The following THSD4 variants were observed in gnomAD, a reference collection of about 807,000 sequenced individuals.
THSD4 encodes thrombospondin type 1 domain containing 4.
Under a neutral mutation model 119.0 loss-of-function variants are expected in THSD4, and 69 were observed. The observed-to-expected ratio is 0.58, with a 90% confidence interval of 0.48 to 0.71. The LOEUF (loss-of-function observed/expected upper bound fraction) is 0.71, where lower values mean the gene tolerates loss of function less well. THSD4 is among the 30% of genes least tolerant of loss of function. THSD4 has a pLI of 0.00. For missense variants in THSD4, 1,393 were observed against 1,391.1 expected, an observed-to-expected ratio of 1.00 and a Z score of -0.02; for synonymous variants, 524 against 540.4, an observed-to-expected ratio of 0.97 and a Z score of 0.42.
intron 8 of THSD4, among the ~76,000 whole-genome samples, chr15:71,689,151 A>G (rs1232815683): frequency 6.6e-6 from 1 of 152,350 alleles, no homozygotes; most frequent in Middle Eastern, 3.4e-3. Context: ...AGATATACTA[A>G]TAATTCTACT....
intron 7 of THSD4, among the ~76,000 whole-genome samples, chr15:71,476,589 A>G (rs2047658898): frequency 6.6e-6 from 1 of 152,174 alleles, no homozygotes; most frequent in Non-Finnish European, 1.5e-5. Flanking sequence ...CTCCCTTCAG[A>G]CAATTTCCAG....
chr15:71,380,915 A>G (rs1266234940), intron 6 of THSD4, among the ~76,000 whole-genome samples: 2 of 152,146 alleles, frequency 1.3e-5, no homozygotes, highest in African/African-American at 4.8e-5. Flanking sequence ...AAAGGAACAC[A>G]TAATATGTTT....
intron 7 of THSD4, among the ~76,000 whole-genome samples, chr15:71,542,892 AAAAC>A (rs2048780516): frequency 2.0e-5 from 3 of 152,186 alleles, no homozygotes; most frequent in Admixed American, 2.0e-4. Flanking sequence ...AAAAAACAAA[AAAAC>A]AAAAAAAACA....
chr15:71,587,787 T>TAAAAAAAAAAAAAAAAAAAAAAAATAAA (rs1207231444), intron 7 of THSD4, among the ~76,000 whole-genome samples: 2 of 105,508 alleles, frequency 1.9e-5, no homozygotes, highest in Non-Finnish European at 3.9e-5. Flanking sequence ...AAAAAAAAAT[T>TAAAAAAAAAAAAAAAAAAAAAAAATAAA]AAAAAAAAAA....
chr15:71,357,566 C>T (rs2045835419), intron 6 of THSD4, among the ~76,000 whole-genome samples: 1 of 152,162 alleles, frequency 6.6e-6, no homozygotes, highest in Non-Finnish European at 1.5e-5. Context: ...CTATGCAGAG[C>T]CCCACGCCCT....
At chr15:71,739,183 C>T (rs562258167) in intron 11 of THSD4, among the ~76,000 whole-genome samples, 6 of 151,888 alleles carry the variant, frequency 4.0e-5, no homozygotes, top group Non-Finnish European at 7.4e-5. Flanking sequence ...CCCATACTAT[C>T]CCGGTAAAAT....
chr15:71,762,473 C>T (rs1419571561), intron 15 of THSD4, among the ~76,000 whole-genome samples: 5 of 152,182 alleles, frequency 3.3e-5, no homozygotes, highest in Non-Finnish European at 7.4e-5. Flanking sequence ...AAGACCACAG[C>T]GACCTGGGAA....
intron 7 of THSD4, among the ~76,000 whole-genome samples, chr15:71,601,844 G>T (rs2050017075): frequency 6.6e-6 from 1 of 152,196 alleles, no homozygotes; most frequent in African/African-American, 2.4e-5. Context: ...CTCTGTATGT[G>T]CCACAAAGCA....
chr15:71,699,274 G>A (rs1187410292), intron 8 of THSD4, among the ~76,000 whole-genome samples: 2 of 60,280 alleles, frequency 3.3e-5, no homozygotes, highest in Non-Finnish European at 5.7e-5. Flanking sequence ...GTGCAGTGGC[G>A]GGATCTCGGC....
chr15:71,551,260 T>C (rs894555202), intron 7 of THSD4, among the ~76,000 whole-genome samples: 4 of 152,260 alleles, frequency 2.6e-5, no homozygotes, highest in Non-Finnish European at 4.4e-5. Context: ...TGCTACCAAG[T>C]GTATTAACCC....
intron 6 of THSD4, among the ~76,000 whole-genome samples, chr15:71,287,799 G>T (rs1451648127): frequency 2.0e-5 from 3 of 152,152 alleles, no homozygotes; most frequent in Admixed American, 2.0e-4. Flanking sequence ...GTTCTGAGCT[G>T]GTAGAGTTGG....
intron 11 of THSD4, among the ~76,000 whole-genome samples, chr15:71,740,062 T>C (rs967242623): frequency 2.0e-5 from 3 of 152,172 alleles, no homozygotes; most frequent in African/African-American, 7.2e-5. Flanking sequence ...AGTTCCATAA[T>C]GATTTGGTAA....
At chr15:71,152,226 C>G (rs920698060) in intron 2 of THSD4, among the ~76,000 whole-genome samples, 3 of 151,954 alleles carry the variant, frequency 2.0e-5, no homozygotes, top group African/African-American at 7.2e-5. Flanking sequence ...AGTTTGAGAC[C>G]AGCCTGGCCA....
intron 7 of THSD4, among the ~76,000 whole-genome samples, chr15:71,589,146 C>T (rs957678280): frequency 7.9e-5 from 12 of 152,020 alleles, no homozygotes; most frequent in African/African-American, 2.7e-4. Context: ...AATATATATC[C>T]GAGGTTCATT....
intron 7 of THSD4, among the ~76,000 whole-genome samples, chr15:71,600,221 C>G (rs897479579): frequency 2.1e-5 from 3 of 142,448 alleles, no homozygotes; most frequent in Non-Finnish European, 4.8e-5. Flanking sequence ...CAAAGTCTTG[C>G]TCTCCTCCTG....
At chr15:71,591,837 G>A (rs2049814069) in intron 7 of THSD4, among the ~76,000 whole-genome samples, 1 of 152,102 alleles carries the variant, frequency 6.6e-6, no homozygotes, top group South Asian at 2.1e-4. Context: ...AGGTAAATAG[G>A]TAAATGGGAA....
At chr15:71,404,032 T>G (rs1393478548) in intron 6 of THSD4, among the ~76,000 whole-genome samples, 2 of 152,230 alleles carry the variant, frequency 1.3e-5, no homozygotes, top group Non-Finnish European at 2.9e-5. Context: ...TTGTCTTATT[T>G]ATTTGATGAT....
chr15:71,507,216 C>T lies in THSD4; in HGVS notation c.1152+95393C>T, dbSNP rs541560642. On this transcript the variant is annotated intron_variant, in intron 7 of 17. Transcript: ENST00000261862. ...CCGCTGGCTCAGAGCTCTGCCTCAC[C>T]GCCCTGCCCCAGCACCTGCAAGCCA... Among the ~76,000 whole-genome samples, 222 of 152,234 alleles carry T rather than the reference C, an allele frequency of 1.5e-3. 1 individual carries two copies. Among genetic ancestry groups the T allele is most frequent in the African/African-American group, 4.5e-3 (185 of 41,554 alleles).
At chr15:71,533,626 A>G (rs2048647631) in intron 7 of THSD4, among the ~76,000 whole-genome samples, 1 of 152,204 alleles carries the variant, frequency 6.6e-6, no homozygotes, top group Non-Finnish European at 1.5e-5. Context: ...TCAGAGATGG[A>G]ACTGGTGTTC....
Sources: gnomAD v4.1 joint callset for allele counts (sites outside exome capture counted in the v4.1 genomes callset) on GRCh38, gnomAD v4.1.1 for gene constraint, MANE v1.5 for transcripts, NCBI Gene and HGNC (gene_info 2026-07-23, HGNC 2026-07-21) for gene names.